IL1RAPL2: variants seen among roughly 807,000 people sequenced by gnomAD.
IL1RAPL2 encodes the protein X-linked interleukin-1 receptor accessory protein-like 2.
IL1RAPL2 carries 3 observed loss-of-function variants against 44.1 expected under a neutral mutation model. The observed-to-expected ratio is 0.07, with a 90% CI of 0.03 to 0.18. The LOEUF is 0.18. Among genes scored for constraint, IL1RAPL2 ranks in the 10% least tolerant of loss-of-function variants. The pLI, the probability that IL1RAPL2 is intolerant of heterozygous loss-of-function variation, is 1.00. For synonymous variants in IL1RAPL2, 181 were observed against 178.8 expected (o/e 1.01, Z -0.10); for missense variants, 391 against 496.4 (o/e 0.79, Z 2.02).
At chrX:105,416,618 C>T (rs1395007045) in intron 5 of IL1RAPL2, among the ~76,000 whole-genome samples, 9 of 112,057 alleles carry the variant, frequency 8.0e-5, no homozygotes, top group East Asian at 2.8e-4. Context: ...TTAAATTATA[C>T]GATTAATACT....
At chrX:105,566,752 G>A (rs909113929) in intron 6 of IL1RAPL2, among the ~76,000 whole-genome samples, 1 of 111,375 alleles carries the variant, frequency 9.0e-6, no homozygotes, top group African/African-American at 3.3e-5. Context: ...TTTCAGTGGG[G>A]CATAGGAAGG....
chrX:104,899,331 A>G (rs4271103), intron 2 of IL1RAPL2, among the ~76,000 whole-genome samples: 47,003 of 110,953 alleles, frequency 0.42, 7,192 homozygotes, highest in East Asian at 0.46. Flanking sequence ...CATACATGCT[A>G]TATTTTCAAT....
chrX:105,267,344 G>C (rs771774607), intron 4 of IL1RAPL2, 44 bp from the exon 5 acceptor site: 285 of 1,131,025 alleles, frequency 2.5e-4, no homozygotes, highest in Non-Finnish European at 3.1e-4. Flanking sequence ...GATGTAGTCT[G>C]TGAAATTCTA....
At chrX:104,695,325 G>A (rs1931159467) in intron 2 of IL1RAPL2, among the ~76,000 whole-genome samples, 1 of 110,529 alleles carries the variant, frequency 9.0e-6, no homozygotes, top group Non-Finnish European at 1.9e-5. Flanking sequence ...TTTGCCTTTT[G>A]TGGGGCAGCA....
intron 2 of IL1RAPL2, among the ~76,000 whole-genome samples, chrX:104,946,402 A>AAAAAAAC (rs1556018728): frequency 1.0e-5 from 1 of 95,674 alleles, no homozygotes; most frequent in Non-Finnish European, 2.1e-5. Context: ...AAAAAAAAAA[A>AAAAAAAC]AAAAAAACTT....
At chrX:104,811,351 T>C (rs1274323455) in intron 2 of IL1RAPL2, among the ~76,000 whole-genome samples, 4 of 111,749 alleles carry the variant, frequency 3.6e-5, no homozygotes, top group Non-Finnish European at 5.6e-5. Flanking sequence ...TGCAGTGCTT[T>C]GGTGATTACG....
intron 6 of IL1RAPL2, among the ~76,000 whole-genome samples, chrX:105,606,333 C>T (rs1016828920): frequency 3.6e-5 from 4 of 111,170 alleles, no homozygotes; most frequent in Admixed American, 9.5e-5. Flanking sequence ...CAAGGGAATG[C>T]GAAGCAAAAC....
intron 5 of IL1RAPL2, among the ~76,000 whole-genome samples, chrX:105,296,348 C>G (rs1293925877): frequency 2.7e-5 from 3 of 111,828 alleles, no homozygotes; most frequent in Non-Finnish European, 3.8e-5. Context: ...TAATTAGTTC[C>G]TCCTCTGGAC....
At chrX:105,337,912 C>T (rs1217533460) in intron 5 of IL1RAPL2, among the ~76,000 whole-genome samples, 1 of 108,880 alleles carries the variant, frequency 9.2e-6, no homozygotes, top group Admixed American at 9.7e-5. Flanking sequence ...CACACACACA[C>T]ACAAACTTGA....
At chrX:105,456,333 C>G (rs770305429) in intron 5 of IL1RAPL2, among the ~76,000 whole-genome samples, 2 of 111,380 alleles carry the variant, frequency 1.8e-5, no homozygotes, top group East Asian at 5.7e-4. Flanking sequence ...CCAGATTGCC[C>G]TGGCTAGGCT....
At chrX:104,669,636 G>A (rs1244174277) in intron 2 of IL1RAPL2, among the ~76,000 whole-genome samples, 2 of 111,338 alleles carry the variant, frequency 1.8e-5, no homozygotes, top group Admixed American at 9.6e-5. Context: ...CTGGGGCCTC[G>A]GAATCTGTTG....
At chrX:105,301,577 A>G (rs1221586842) in intron 5 of IL1RAPL2, among the ~76,000 whole-genome samples, 1 of 109,591 alleles carries the variant, frequency 9.1e-6, no homozygotes, top group East Asian at 2.9e-4. Context: ...CCATGAGTTC[A>G]GTTGTTTTGA....
chrX:104,703,572 T>C (rs920172744), intron 2 of IL1RAPL2, among the ~76,000 whole-genome samples: 1 of 112,269 alleles, frequency 8.9e-6, no homozygotes, highest in Non-Finnish European at 1.9e-5. Context: ...TGTTCATAAA[T>C]GTTCTATAAA....
intron 2 of IL1RAPL2, among the ~76,000 whole-genome samples, chrX:104,692,506 C>T (rs1477161589): frequency 9.2e-6 from 1 of 109,284 alleles, no homozygotes; most frequent in Non-Finnish European, 1.9e-5. Flanking sequence ...CCCCCTTCCC[C>T]CCACCCCACG....
At chrX:104,600,679 T>A (rs5917104) in intron 1 of IL1RAPL2, among the ~76,000 whole-genome samples, 5 of 109,362 alleles carry the variant, frequency 4.6e-5, no homozygotes, top group Non-Finnish European at 5.7e-5. Flanking sequence ...TCCCTCTGCC[T>A]TCTAGTAGTC....
At chrX:105,355,126 C>G (rs146105683) in intron 5 of IL1RAPL2, among the ~76,000 whole-genome samples, 2 of 111,499 alleles carry the variant, frequency 1.8e-5, no homozygotes, top group East Asian at 5.7e-4. Flanking sequence ...TTTTACCTAC[C>G]GGCCGCTTTT....
intron 6 of IL1RAPL2, among the ~76,000 whole-genome samples, chrX:105,658,505 A>G (rs913037075): frequency 1.1e-4 from 12 of 111,948 alleles, no homozygotes; most frequent in Non-Finnish European, 2.3e-4. Context: ...TAATATCCAG[A>G]CACTGACTAA....
chrX:105,541,738 T>A (rs1317495660), intron 6 of IL1RAPL2, among the ~76,000 whole-genome samples: 1 of 111,026 alleles, frequency 9.0e-6, no homozygotes, highest in East Asian at 2.8e-4. Context: ...TAATTAGTCT[T>A]TTCTTTCCCT....
chrX:105,348,180 A>G lies in IL1RAPL2; in HGVS notation c.697+80639A>G, dbSNP rs928107716. ...GCCTTAATATATCTCTGAACTAACAACTTACTGTTTTTTGCTTTGAGCTAC... is the reference window on the plus strand; with the variant it reads ...GCCTTAATATATCTCTGAACTAACAGCTTACTGTTTTTTGCTTTGAGCTAC... On this transcript the variant is annotated intron_variant, in intron 5 of 10. Coordinates refer to ENST00000372582, the MANE Select transcript of IL1RAPL2 (RefSeq NM_017416.2). 3.6e-5 allele frequency among the ~76,000 whole-genome samples: 4 copies of G among 111,709 alleles called. 1 individual carries two copies. Among genetic ancestry groups the G allele is most frequent in the African/African-American group, 9.8e-5 (3 of 30,768 alleles).
Sources: allele counts gnomAD v4.1 joint callset (sites outside exome capture counted in the v4.1 genomes callset), GRCh38; gene constraint gnomAD v4.1.1; transcripts MANE v1.5; gene names NCBI Gene and HGNC (gene_info 2026-07-23, HGNC 2026-07-21).